Variants in MTTP observed in about 807,000 individuals in gnomAD.
MTTP encodes the protein microsomal triglyceride transfer protein.
MTTP carries 49 observed loss-of-function variants against 90.6 expected under a neutral mutation model. That is an observed-to-expected ratio of 0.54 (90% confidence interval 0.43 to 0.69). The LOEUF is 0.69. Ranked by LOEUF, MTTP falls within the 30% of genes least tolerant of loss-of-function variation. The pLI, the probability that MTTP is intolerant of heterozygous loss-of-function variation, is 0.00. For missense variants in MTTP, 945 were observed against 1,067.5 expected (o/e 0.89, Z 1.60); for synonymous variants, 347 against 384.2 (o/e 0.90, Z 1.13).
At chr4:99,611,559 A>G in intron 14 of MTTP, 106 bp downstream of exon 14, 1 of 1,437,996 alleles carries the variant, frequency 7.0e-7, no homozygotes. Flanking sequence ...GTATAAGTTA[A>G]TGGTGGCTTC....
intron 6 of MTTP, among the ~76,000 whole-genome samples, chr4:99,593,394 A>G (rs1178611838): frequency 6.6e-6 from 1 of 152,078 alleles, no homozygotes. Flanking sequence ...AGAGTTTTTA[A>G]AAAAAATTGT....
intron 10 of MTTP, among the ~76,000 whole-genome samples, chr4:99,605,335 T>C (rs1451026188): frequency 2.6e-5 from 4 of 152,196 alleles, no homozygotes; most frequent in Non-Finnish European, 5.9e-5. Flanking sequence ...TATCATTCTA[T>C]ACATACTCTT....
At chr4:99,605,869 A>ATGTGTGTGTGTGTGTGTGTGTGTG (rs111417359) in intron 10 of MTTP, among the ~76,000 whole-genome samples, 6,857 of 149,162 alleles carry the variant, frequency 0.046, 245 homozygotes, top group East Asian at 0.16. Context: ...AACCCCATGT[A>ATGTGTGTGTGTGTGTGTGTGTGTG]TGTGTGTGTG....
chr4:99,569,878 C>T (rs539299057), upstream of MTTP, among the ~76,000 whole-genome samples: 13 of 152,014 alleles, frequency 8.6e-5, no homozygotes, highest in South Asian at 2.7e-3. Flanking sequence ...AAAATACACA[C>T]TTTTATAGTA....
rs752695211 is a variant in MTTP at position 99,608,857 on chromosome 4, A to G, written c.1649A>G (p.Asn550Ser). 8.7e-6 allele frequency: 14 copies of G among 1,614,172 alleles called. No individual in the cohort carries two copies. The Admixed American group carries it at 2.2e-4, about 25-fold the overall frequency. The part of the protein sequence containing the change: ...RTAAAAIILN[N>S]NPSYMDVKNI... ...GCTGCAGCTGCTATCATTTTAAATA[A>G]CAATCCATCCTACATGGACGTCAAG... is the stretch of plus-strand genomic sequence containing the variant. Residue 550 changes from asparagine to serine, a missense_variant, in exon 12 of 18, where the codon AAC becomes AGC. Physicochemically the swap from Asn to Ser is conservative, Grantham distance 46. Transcript: ENST00000265517.
chr4:99,573,126 C>G (rs1440542484), upstream of MTTP, among the ~76,000 whole-genome samples: 1 of 152,128 alleles, frequency 6.6e-6, no homozygotes, highest in African/African-American at 2.4e-5. Context: ...TCATGCACCA[C>G]ATAGCCTAAC....
At chr4:99,570,605 C>T (rs1724819955), upstream of MTTP, 1 of 436,626 alleles carries the variant, frequency 2.3e-6, no homozygotes, top group African/African-American at 2.0e-5. Context: ...GTCTTAATCT[C>T]CAGAACCTGT....
Position 99,583,486 on chromosome 4 carries a change from G to GTTT in MTTP, c.362_363insTTT (p.Arg121delinsSerLeu), listed in dbSNP as rs1725178934. The GTTT allele has an allele frequency of 1.2e-6, 2 of 1,613,478 alleles. No homozygotes were observed. The highest frequency in any genetic ancestry group is 1.7e-6 in the Non-Finnish European group (2 of 1,179,806). ...AAGGAAAACTTGGAAGCTCTGCAAA[G>GTTT]ACCTACGCTCCTTCATCTAATCCAT... On this transcript the variant is annotated protein_altering_variant, in exon 3 of 18. Transcript: ENST00000265517.
chr4:99,622,915 A>G lies in MTTP; in HGVS notation c.*67A>G. ...GGGACACAATGTGGCATGACTAAGT[A>G]CTTGCTCTCTGAGAGCACAGCGTTT... On this transcript the variant is annotated 3_prime_UTR_variant, in exon 18 of 18. Transcript: ENST00000265517. 1.3e-6 allele frequency: 2 copies of G among 1,522,328 alleles called. No individual in the cohort carries two copies. Among genetic ancestry groups the G allele is most frequent in the Non-Finnish European group, 1.8e-6 (2 of 1,096,908 alleles). The allele number at this position is 1,522,328 out of a possible 1,614,324, so 94.3% of individuals were successfully genotyped here. A position where few individuals can be genotyped will look rare whatever the true frequency, so the allele number is the denominator to read the frequency against.
chr4:99,614,774 C>G (rs913180822), intron 15 of MTTP, among the ~76,000 whole-genome samples: 1 of 152,186 alleles, frequency 6.6e-6, no homozygotes, highest in Non-Finnish European at 1.5e-5. Flanking sequence ...TGTTTGGAAT[C>G]CCTGTCTAGG....
At chr4:99,596,432 C>T (rs187658026) in intron 7 of MTTP, among the ~76,000 whole-genome samples, 7 of 152,042 alleles carry the variant, frequency 4.6e-5, no homozygotes, top group Admixed American at 3.3e-4. Context: ...TTTGTGACAA[C>T]CTAATATTAT....
At chr4:99,598,580 A>C (rs1725614232) in intron 8 of MTTP, among the ~76,000 whole-genome samples, 1 of 151,810 alleles carries the variant, frequency 6.6e-6, no homozygotes, top group Admixed American at 6.6e-5. Context: ...TAGAAAGGAT[A>C]CTAAGATGAA....
rs775108353 is a variant in MTTP, at chr4:99,600,732, T to C, written c.1235T>C (p.Ile412Thr). ...AATGAAGAACTCCTGAGAGCCCTCA[T>C]TGTAAGTCAAATAGAAAATAAAGAC... ...HPNEELLRAL[I>T]SKFKGSIGSS... is the part of the protein sequence containing the mutation. The change falls in exon 9 of 18, where the codon ATT (isoleucine) becomes ACT (threonine). Residue 412 changes from isoleucine to threonine, a missense_variant and splice_region_variant. Coordinates refer to ENST00000265517, the MANE Select transcript of MTTP (RefSeq NM_001386140.1). 4.3e-6 allele frequency: 7 copies of C among 1,613,436 alleles called. No individual in the cohort carries two copies. Among genetic ancestry groups the C allele is most frequent in the East Asian group, 2.2e-5 (1 of 44,842 alleles).
intron 1 of MTTP, among the ~76,000 whole-genome samples, chr4:99,564,977 T>A (rs1055408516): frequency 2.0e-5 from 3 of 152,226 alleles, no homozygotes; most frequent in Admixed American, 1.3e-4. Flanking sequence ...TGTGAGTCCC[T>A]CTTCTGTTTC....
chr4:99,609,103 C>T, intron 12 of MTTP, 126 bp downstream of exon 12: 1 of 931,392 alleles, frequency 1.1e-6, no homozygotes, highest in Non-Finnish European at 1.7e-6. Context: ...CCAAAGAGTG[C>T]CAGATTTCCC....
intron 16 of MTTP, among the ~76,000 whole-genome samples, chr4:99,620,392 T>G (rs1384760993): frequency 2.0e-5 from 3 of 152,216 alleles, no homozygotes; most frequent in Non-Finnish European, 2.9e-5. Context: ...AAATTATTTA[T>G]CCTCTTCATC....
At chr4:99,617,519 T>C (rs532330709) in intron 15 of MTTP, among the ~76,000 whole-genome samples, 8 of 152,274 alleles carry the variant, frequency 5.3e-5, no homozygotes, top group Admixed American at 5.2e-4. Context: ...GCTTGTTTGG[T>C]CTGAGTAGGG....
chr4:99,612,659 T>G (rs951262407), intron 14 of MTTP, among the ~76,000 whole-genome samples: 5 of 152,138 alleles, frequency 3.3e-5, no homozygotes, highest in Non-Finnish European at 7.4e-5. Flanking sequence ...ACTTGAAAAC[T>G]TTTTTTGCCT....
rs754074027 is a variant in MTTP, at chr4:99,591,802, C to A, written c.758+12C>A. On this transcript the variant is annotated intron_variant, in intron 6 of 17. Coordinates refer to ENST00000265517, the MANE Select transcript of MTTP (RefSeq NM_001386140.1). ...AAAATAGTATCGAAGTAAGATAATG[C>A]TAAAATTTTTATTTTCTTTGCTATT... The A allele has an allele frequency of 1.3e-6, 2 of 1,599,124 alleles. No individual in the cohort carries two copies. The highest frequency in any genetic ancestry group is 1.7e-6 in the Non-Finnish European group (2 of 1,168,118).
Sources: allele counts gnomAD v4.1 joint callset (sites outside exome capture counted in the v4.1 genomes callset), GRCh38; gene constraint gnomAD v4.1.1; transcripts MANE v1.5; gene names NCBI Gene and HGNC (gene_info 2026-07-23, HGNC 2026-07-21).